Variants in IKZF2 observed in about 807,000 individuals in gnomAD.
The protein encoded by IKZF2 is zinc finger protein Helios.
In IKZF2, 15 loss-of-function variants were observed where a neutral mutation model predicts 49.2. The observed-to-expected ratio is 0.30, with a 90% CI of 0.20 to 0.47. The LOEUF (loss-of-function observed/expected upper bound fraction) is 0.47, where lower values mean the gene tolerates loss of function less well. Ranked by LOEUF, IKZF2 falls within the 20% of genes least tolerant of loss-of-function variation. The probability of loss-of-function intolerance (pLI) is 1.00; values close to 1 mark genes in which losing one functional copy is unlikely to be tolerated. For missense variants in IKZF2, 567 were observed against 664.6 expected, an observed-to-expected ratio of 0.85 and a Z score of 1.61; for synonymous variants, 227 against 221.4, an observed-to-expected ratio of 1.03 and a Z score of -0.23.
intron 4 of IKZF2, among the ~76,000 whole-genome samples, chr2:213,118,587 A>G (rs2059951146): frequency 6.6e-6 from 1 of 152,256 alleles, no homozygotes; most frequent in Admixed American, 6.5e-5. Flanking sequence ...TTAGCTTTAC[A>G]GATGCCACCT....
At chr2:213,040,443 C>A (rs1460517308) in intron 6 of IKZF2, among the ~76,000 whole-genome samples, 1 of 151,958 alleles carries the variant, frequency 6.6e-6, no homozygotes, top group African/African-American at 2.4e-5. Context: ...GTTTAACACA[C>A]ATATATGTTT....
chr2:213,109,175 T>TCAAAG (rs1408052159), intron 4 of IKZF2, among the ~76,000 whole-genome samples: 5 of 152,100 alleles, frequency 3.3e-5, no homozygotes, highest in Non-Finnish European at 7.4e-5. Context: ...TTGAGGAGAC[T>TCAAAG]TATTTTAGAA....
At chr2:213,052,263 G>T (rs1207529905) in intron 5 of IKZF2, among the ~76,000 whole-genome samples, 1 of 151,966 alleles carries the variant, frequency 6.6e-6, no homozygotes, top group Non-Finnish European at 1.5e-5. Flanking sequence ...TGCTGAGTGT[G>T]GAAGTCATAC....
At chr2:213,031,601 C>G (rs1482397213) in intron 6 of IKZF2, among the ~76,000 whole-genome samples, 1 of 152,104 alleles carries the variant, frequency 6.6e-6, no homozygotes, top group African/African-American at 2.4e-5. Context: ...AACACATTTC[C>G]TCAGATTTCT....
At chr2:213,081,653 G>A (rs995511535) in intron 4 of IKZF2, among the ~76,000 whole-genome samples, 6 of 152,308 alleles carry the variant, frequency 3.9e-5, no homozygotes, top group African/African-American at 7.2e-5. Flanking sequence ...TATCCCAGAA[G>A]GGGGAATAAC....
rs576116032 is a variant in IKZF2, at chr2:213,116,525, A to G, written c.139+31183T>C. Among the ~76,000 whole-genome samples the G allele has an allele frequency of 5.9e-5, 9 of 152,322 alleles. No individual in the cohort carries two copies. The South Asian group carries it at 1.0e-3, about 18-fold the overall frequency. ...CAAGGCGGGTGGATTGCTTGAGTCC[A>G]GGAGTTCAAGACCAGCCTGGGAAAC... On this transcript the variant is annotated intron_variant, in intron 4 of 8. Transcript: ENST00000434687.
At chr2:213,109,531 G>A (rs1050154504) in intron 4 of IKZF2, among the ~76,000 whole-genome samples, 1 of 151,838 alleles carries the variant, frequency 6.6e-6, no homozygotes, top group African/African-American at 2.4e-5. Context: ...TTTCTGAAAG[G>A]TTAAGTAATT....
chr2:213,144,363 T>A (rs1021887385), intron 4 of IKZF2, among the ~76,000 whole-genome samples: 1 of 151,686 alleles, frequency 6.6e-6, no homozygotes, highest in African/African-American at 2.4e-5. Flanking sequence ...ATAAACATTA[T>A]AAAAAAATAG....
At chr2:213,074,330 T>C (rs1703025888) in intron 4 of IKZF2, among the ~76,000 whole-genome samples, 2 of 152,212 alleles carry the variant, frequency 1.3e-5, no homozygotes, top group Admixed American at 6.5e-5. Context: ...CTAGGCCGTA[T>C]GGTATATATT....
At chr2:213,105,289 G>A (rs2059487193) in intron 4 of IKZF2, among the ~76,000 whole-genome samples, 1 of 152,032 alleles carries the variant, frequency 6.6e-6, no homozygotes, top group South Asian at 2.1e-4. Flanking sequence ...ATAGCCCGAA[G>A]ATCCAATCCT....
chr2:213,089,464 A>T (rs1433739970), intron 4 of IKZF2, among the ~76,000 whole-genome samples: 1 of 152,112 alleles, frequency 6.6e-6, no homozygotes, highest in East Asian at 1.9e-4. Flanking sequence ...GAAATATATG[A>T]TCACCCCATA....
chr2:213,004,646 CT>C lies in IKZF2; in HGVS notation c.*2713del, dbSNP rs1695172309. 6.6e-6 allele frequency: 1 copy of C among 151,898 alleles called. No individual in the cohort carries two copies. Among genetic ancestry groups the C allele is most frequent in the Non-Finnish European group, 1.5e-5 (1 of 67,898 alleles). The allele number at this position is 151,898 out of a possible 1,614,324, so 9.4% of individuals were successfully genotyped here. On this transcript the variant is annotated 3_prime_UTR_variant, in exon 9 of 9. Coordinates refer to ENST00000434687, the MANE Select transcript of IKZF2 (RefSeq NM_001387220.1). ...TAGATGCTACAACCTTGCGTATTTC[CT>C]TTTGAAGAAAAGGCATGCACATATA...
intron 4 of IKZF2, among the ~76,000 whole-genome samples, chr2:213,120,272 C>T (rs1574913417): frequency 6.6e-6 from 1 of 152,248 alleles, no homozygotes; most frequent in East Asian, 1.9e-4. Flanking sequence ...ATAATAGATA[C>T]ATGTACATAC....
chr2:213,114,140 G>C (rs1334811167), intron 4 of IKZF2, among the ~76,000 whole-genome samples: 1 of 152,038 alleles, frequency 6.6e-6, no homozygotes, highest in African/African-American at 2.4e-5. Context: ...GTTTATATTT[G>C]CTAAGGATAA....
chr2:213,092,367 C>T (rs1413214808), intron 4 of IKZF2, among the ~76,000 whole-genome samples: 1 of 152,114 alleles, frequency 6.6e-6, no homozygotes, highest in Non-Finnish European at 1.5e-5. Context: ...TAATAACCTC[C>T]TCTACCATTT....
chr2:213,146,758 T>TCG (rs2061077744), intron 4 of IKZF2, among the ~76,000 whole-genome samples: 1 of 9,776 alleles, frequency 1.0e-4, no homozygotes, highest in African/African-American at 3.2e-4. Flanking sequence ...TATTAAATCT[T>TCG]CGGGGGGGGG....
At chr2:213,131,631 T>C (rs1357336383) in intron 4 of IKZF2, among the ~76,000 whole-genome samples, 1 of 152,206 alleles carries the variant, frequency 6.6e-6, no homozygotes, top group Non-Finnish European at 1.5e-5. Context: ...TGAAGTCATG[T>C]ACTTGAGAAG....
intron 4 of IKZF2, among the ~76,000 whole-genome samples, chr2:213,125,327 A>T (rs546866957): frequency 6.6e-6 from 1 of 152,136 alleles, no homozygotes; most frequent in South Asian, 2.1e-4. Flanking sequence ...TTTAATTATA[A>T]TTTCTCCCAG....
At chr2:213,031,759 ATAAT>A (rs1330441597) in intron 6 of IKZF2, among the ~76,000 whole-genome samples, 3 of 152,246 alleles carry the variant, frequency 2.0e-5, no homozygotes, top group South Asian at 2.1e-4. Flanking sequence ...TGCTAATAAA[ATAAT>A]TAAACAATAA....
Sources: gnomAD v4.1 joint callset for allele counts (sites outside exome capture counted in the v4.1 genomes callset) on GRCh38, gnomAD v4.1.1 for gene constraint, MANE v1.5 for transcripts, NCBI Gene and HGNC (gene_info 2026-07-23, HGNC 2026-07-21) for gene names.